The following PLD5 variants were observed in gnomAD, a reference collection of about 807,000 sequenced individuals.
PLD5 encodes inactive phospholipase D5.
Under a neutral mutation model 61.1 loss-of-function variants are expected in PLD5, and 36 were observed. That is an observed-to-expected ratio of 0.59 (90% CI 0.45 to 0.78). The LOEUF (loss-of-function observed/expected upper bound fraction) is 0.78, where lower values mean the gene tolerates loss of function less well. PLD5 is among the 30% of genes least tolerant of loss of function. The pLI, the probability that PLD5 is intolerant of heterozygous loss-of-function variation, is 0.00. For synonymous variants in PLD5, 243 were observed against 242.8 expected, an observed-to-expected ratio of 1.00 and a Z score of -0.01; for missense variants, 515 against 644.4, an observed-to-expected ratio of 0.80 and a Z score of 2.17.
chr1:242,414,928 A>G lies in PLD5; in HGVS notation c.190-66686T>C, dbSNP rs374849206. 2.0e-5 allele frequency among the ~76,000 whole-genome samples: 3 copies of G among 152,266 alleles called. No individual in the cohort carries two copies. The East Asian group carries it at 5.8e-4, about 29-fold the overall frequency. On this transcript the variant is annotated intron_variant, in intron 1 of 9. Coordinates refer to ENST00000536534, the MANE Select transcript of PLD5 (RefSeq NM_001372062.1). ...GAAAAGGAAAAAGACCAATCACGCTATAGAAAAATGCACTGAAGAAAATGC... is the reference window on the plus strand; with the variant it reads ...GAAAAGGAAAAAGACCAATCACGCTGTAGAAAAATGCACTGAAGAAAATGC...
At chr1:242,118,065 G>A (rs188875691) in intron 6 of PLD5, among the ~76,000 whole-genome samples, 3 of 152,278 alleles carry the variant, frequency 2.0e-5, no homozygotes, top group Non-Finnish European at 4.4e-5. Flanking sequence ...AATGTAGGCA[G>A]AGTTATCTGT....
intron 1 of PLD5, among the ~76,000 whole-genome samples, chr1:242,372,051 T>C (rs184868719): frequency 4.8e-3 from 737 of 152,256 alleles, no homozygotes; most frequent in Non-Finnish European, 8.0e-3. Flanking sequence ...CAGGCCCTGG[T>C]GTGTGATGTT....
At chr1:242,465,092 G>A (rs553950162) in intron 1 of PLD5, among the ~76,000 whole-genome samples, 76 of 152,072 alleles carry the variant, frequency 5.0e-4, no homozygotes, top group East Asian at 2.3e-3. Context: ...ACATCATCGC[G>A]AACATACCAA....
At chr1:242,449,289 G>A in intron 1 of PLD5, 1 of 1,532,522 alleles carries the variant, frequency 6.5e-7, no homozygotes, top group Non-Finnish European at 8.7e-7. Flanking sequence ...ATTTTCACCA[G>A]CAGAGGCTAA....
chr1:242,522,173 TAAAAC>T (rs1347148046), intron 1 of PLD5, among the ~76,000 whole-genome samples: 1 of 152,172 alleles, frequency 6.6e-6, no homozygotes. Context: ...GTTGAAAAAG[TAAAAC>T]AAATGCTACA....
intron 5 of PLD5, among the ~76,000 whole-genome samples, chr1:242,177,529 C>T (rs570019879): frequency 2.6e-5 from 4 of 152,052 alleles, no homozygotes; most frequent in South Asian, 4.2e-4. Context: ...CAAAACTGCA[C>T]GTTTTGTACA....
intron 5 of PLD5, among the ~76,000 whole-genome samples, chr1:242,166,137 G>A (rs1487867531): frequency 6.6e-6 from 1 of 152,180 alleles, no homozygotes; most frequent in Non-Finnish European, 1.5e-5. Context: ...TGGGACACTG[G>A]GGAGAACACA....
At chr1:242,463,163 A>G (rs776031495) in intron 1 of PLD5, among the ~76,000 whole-genome samples, 27 of 152,146 alleles carry the variant, frequency 1.8e-4, no homozygotes, top group Non-Finnish European at 2.5e-4. Context: ...TTTCGGCCCC[A>G]TTAGGATTGG....
At chr1:242,184,756 A>C (rs1015159972) in intron 5 of PLD5, among the ~76,000 whole-genome samples, 2 of 152,224 alleles carry the variant, frequency 1.3e-5, no homozygotes, top group Admixed American at 1.3e-4. Context: ...TTTGGGACCC[A>C]CTGCACTATC....
chr1:242,236,558 A>G (rs1671653228), intron 4 of PLD5, among the ~76,000 whole-genome samples: 1 of 152,184 alleles, frequency 6.6e-6, no homozygotes, highest in African/African-American at 2.4e-5. Flanking sequence ...CAACAAAAAA[A>G]AACTCACAAG....
intron 2 of PLD5, among the ~76,000 whole-genome samples, chr1:242,292,717 G>A (rs1675438149): frequency 6.6e-6 from 1 of 152,068 alleles, no homozygotes; most frequent in Non-Finnish European, 1.5e-5. Context: ...CTGCAATTTT[G>A]TCTCCACTAA....
At chr1:242,212,613 C>T (rs1173180847) in intron 5 of PLD5, among the ~76,000 whole-genome samples, 1 of 151,904 alleles carries the variant, frequency 6.6e-6, no homozygotes, top group Non-Finnish European at 1.5e-5. Flanking sequence ...CGCCAGGCAG[C>T]GGGGTGGAGG....
intron 5 of PLD5, among the ~76,000 whole-genome samples, chr1:242,219,458 T>C (rs1339692458): frequency 6.6e-6 from 1 of 152,222 alleles, no homozygotes; most frequent in Non-Finnish European, 1.5e-5. Context: ...AATGGAAAGA[T>C]GGTGATTTTG....
rs145716850 is a variant in PLD5 at position 242,373,517 on chromosome 1, G to A, written c.190-25275C>T. ...CATGCTCACGTATGTTTATTGTGGC[G>A]CTATTCACAATAGCAGAGACCTGGA... On this transcript the variant is annotated intron_variant, in intron 1 of 9. Transcript: ENST00000536534. 9.8e-3 allele frequency among the ~76,000 whole-genome samples: 1,497 copies of A among 152,168 alleles called. 28 individuals carry two copies. Among genetic ancestry groups the A allele is most frequent in the African/African-American group, 0.034 (1,411 of 41,506 alleles).
At chr1:242,108,417 G>T (rs1229040168) in intron 7 of PLD5, among the ~76,000 whole-genome samples, 1 of 152,072 alleles carries the variant, frequency 6.6e-6, no homozygotes, top group Non-Finnish European at 1.5e-5. Flanking sequence ...TTCCCCAACA[G>T]GCTTGGCCTT....
At chr1:242,311,514 C>T (rs551608447) in intron 2 of PLD5, among the ~76,000 whole-genome samples, 1 of 152,002 alleles carries the variant, frequency 6.6e-6, no homozygotes, top group South Asian at 2.1e-4. Context: ...ATGAGCTTTG[C>T]ACTAATGGGC....
chr1:242,223,268 A>C (rs534945880), intron 4 of PLD5, among the ~76,000 whole-genome samples: 1 of 152,140 alleles, frequency 6.6e-6, no homozygotes, highest in Non-Finnish European at 1.5e-5. Context: ...CTCACCTCCT[A>C]ATACCATCAC....
At chr1:242,166,032 G>A (rs548943413) in intron 5 of PLD5, among the ~76,000 whole-genome samples, 13 of 152,292 alleles carry the variant, frequency 8.5e-5, no homozygotes, top group South Asian at 2.1e-4. Context: ...CTCAGGATCC[G>A]TAAGTAAAAA....
intron 2 of PLD5, among the ~76,000 whole-genome samples, chr1:242,325,604 T>C (rs1206218424): frequency 6.6e-6 from 1 of 151,856 alleles, no homozygotes; most frequent in Non-Finnish European, 1.5e-5. Context: ...TTCAAGTTGT[T>C]GTTTTTTTTT....
Sources: gnomAD v4.1 joint callset for allele counts (sites outside exome capture counted in the v4.1 genomes callset) on GRCh38, gnomAD v4.1.1 for gene constraint, MANE v1.5 for transcripts, NCBI Gene and HGNC (gene_info 2026-07-23, HGNC 2026-07-21) for gene names.